COL9A1: variants seen among roughly 807,000 people sequenced by gnomAD.
The protein encoded by COL9A1 is collagen type IX alpha 1 chain, also known as collagen alpha-1(IX) chain.
Under a neutral mutation model 142.6 loss-of-function variants are expected in COL9A1, and 104 were observed. That is an observed-to-expected ratio of 0.73 (90% CI 0.62 to 0.86). The LOEUF is 0.86. Ranked by LOEUF, COL9A1 falls within the 40% of genes least tolerant of loss-of-function variation. The pLI is 0.00. For synonymous variants in COL9A1, 466 were observed against 396.0 expected, an observed-to-expected ratio of 1.18 and a Z score of -2.10; for missense variants, 1,210 against 1,176.6, an observed-to-expected ratio of 1.03 and a Z score of -0.42.
chr6:70,251,708 TGGGA>T (rs1304830860), intron 28 of COL9A1, among the ~76,000 whole-genome samples: 1 of 152,090 alleles, frequency 6.6e-6, no homozygotes, highest in Non-Finnish European at 1.5e-5. Context: ...TGACTGCAGG[TGGGA>T]GGTGGGTATA....
At chr6:70,281,079 G>C (rs753932727) in intron 8 of COL9A1, 40 bp from the exon 9 acceptor site, 1 of 1,563,898 alleles carries the variant, frequency 6.4e-7, no homozygotes, top group East Asian at 2.2e-5. Flanking sequence ...GTCTATGAGC[G>C]GGATAGGCTG....
At chr6:70,258,075 T>C (rs907087844) in intron 20 of COL9A1, among the ~76,000 whole-genome samples, 6 of 152,238 alleles carry the variant, frequency 3.9e-5, no homozygotes, top group African/African-American at 1.4e-4. Context: ...AAATAATCTC[T>C]GATGTGGCTA....
In COL9A1 at chr6:70,254,970, C is replaced by T. The variant is rs1771183677; in HGVS notation, c.1658G>A (p.Gly553Glu). ...GTAAATTACACAGCCTACCTTTGTT[C>T]CAGGCATTCCAGGGATCCCATCACG... ...DGRDGIPGMP[G>E]TKGEPGKPGP... The change falls in exon 24 of 38, where the codon GGA (glycine) becomes GAA (glutamate). Residue 553 changes from glycine to glutamate, a missense_variant. Coordinates refer to ENST00000357250, the MANE Select transcript of COL9A1 (RefSeq NM_001851.6). The T allele has an allele frequency of 2.5e-6, 4 of 1,614,124 alleles. No individual in the cohort carries two copies. Among genetic ancestry groups the T allele is most frequent in the Non-Finnish European group, 3.4e-6 (4 of 1,179,980 alleles).
chr6:70,230,949 C>T (rs10498872), intron 36 of COL9A1, among the ~76,000 whole-genome samples: 33,350 of 152,100 alleles, frequency 0.22, 3,932 homozygotes, highest in Non-Finnish European at 0.27. Context: ...CCCAAGGAGA[C>T]TTCCTGTTAA....
intron 17 of COL9A1, among the ~76,000 whole-genome samples, chr6:70,267,125 C>A (rs1307414328): frequency 2.0e-5 from 3 of 152,104 alleles, no homozygotes; most frequent in African/African-American, 7.2e-5. Flanking sequence ...GGTAACTTAA[C>A]CTTTCAGAAG....
At chr6:70,242,242 G>A (rs1357268914) in intron 29 of COL9A1, 2 of 629,998 alleles carry the variant, frequency 3.2e-6, no homozygotes, top group Non-Finnish European at 5.7e-6. Context: ...TCCACCCTAA[G>A]GTCCTCAGTT....
Position 70,263,303 on chromosome 6 carries a change from GA to G in COL9A1, c.1342-7del. ...CCCTGGTCACCTTCTTCACCCTAAA[GA>G]AAAAAAAGAAAAAAGAAAAGCACAC... On this transcript the variant is annotated splice_region_variant and splice_polypyrimidine_tract_variant and intron_variant, in intron 18 of 37. Coordinates refer to ENST00000357250, the MANE Select transcript of COL9A1 (RefSeq NM_001851.6). The G allele has an allele frequency of 4.4e-6, 7 of 1,601,800 alleles. No homozygotes were observed. The highest frequency in any genetic ancestry group is 2.3e-5 in the South Asian group (2 of 88,538).
intron 5 of COL9A1, among the ~76,000 whole-genome samples, chr6:70,291,813 C>G (rs1184319414): frequency 6.6e-6 from 1 of 152,030 alleles, no homozygotes; most frequent in Non-Finnish European, 1.5e-5. Context: ...CAAAGGAAAG[C>G]TAGTTGGCAT....
intron 28 of COL9A1, among the ~76,000 whole-genome samples, chr6:70,248,305 G>A (rs542231237): frequency 1.3e-5 from 2 of 152,254 alleles, no homozygotes; most frequent in African/African-American, 2.4e-5. Context: ...AACCTCTGGA[G>A]GCACCAAAAT....
intron 17 of COL9A1, among the ~76,000 whole-genome samples, chr6:70,267,935 C>T (rs1392069462): frequency 1.3e-5 from 2 of 152,206 alleles, no homozygotes; most frequent in African/African-American, 4.8e-5. Flanking sequence ...TTTCAGATCA[C>T]AGCAGAGCTC....
intron 37 of COL9A1, among the ~76,000 whole-genome samples, chr6:70,225,162 AG>A (rs1469841298): frequency 1.6e-4 from 24 of 152,216 alleles, no homozygotes; most frequent in Non-Finnish European, 1.5e-5. Context: ...CCCCACAATA[AG>A]AGAGCGTTTG....
At chr6:70,270,440 T>C in intron 14 of COL9A1, 73 bp from the exon 15 acceptor site, 6 of 1,417,960 alleles carry the variant, frequency 4.2e-6, no homozygotes, top group Non-Finnish European at 3.0e-6. Context: ...CAGTGAGGCA[T>C]AAGAGAATGG....
At chr6:70,260,931 A>T (rs1387840719) in intron 19 of COL9A1, 2 of 467,346 alleles carry the variant, frequency 4.3e-6, no homozygotes, top group Non-Finnish European at 7.6e-6. Context: ...TCTTACACAA[A>T]ACTGGAGTTG....
At chr6:70,301,914 C>T in intron 2 of COL9A1, 87 bp downstream of exon 2, 1 of 1,065,414 alleles carries the variant, frequency 9.4e-7, no homozygotes, top group South Asian at 1.3e-5. Flanking sequence ...CTATGAATGC[C>T]TCACTCAGTC....
intron 18 of COL9A1, among the ~76,000 whole-genome samples, chr6:70,264,684 C>T (rs935561803): frequency 6.6e-6 from 1 of 151,946 alleles, no homozygotes; most frequent in Non-Finnish European, 1.5e-5. Flanking sequence ...AATTGTTTCA[C>T]CTACAGGTGA....
chr6:70,272,179 A>C, intron 12 of COL9A1, 91 bp from the exon 13 acceptor site: 3 of 1,042,164 alleles, frequency 2.9e-6, no homozygotes, highest in Non-Finnish European at 4.3e-6. Flanking sequence ...ATAAACCATA[A>C]ACTCTATTAC....
intron 36 of COL9A1, among the ~76,000 whole-genome samples, chr6:70,228,181 A>G (rs1221059822): frequency 6.6e-6 from 1 of 152,104 alleles, no homozygotes; most frequent in East Asian, 1.9e-4. Context: ...CTACTGACTC[A>G]TTGTTTATAG....
rs1315955678 is a variant in COL9A1, at chr6:70,268,823, G to A, written c.1268C>T (p.Pro423Leu). ...TCTTACCCTCATGCCTGGTAGGCCT[G>A]GATATCCTGAGCGACCTGGTGGACA... ...NACPPGRSGY[P>L]GLPGMRGHKG... is the part of the protein sequence containing the mutation. Residue 423 changes from proline to leucine, a missense_variant, in exon 17 of 38, where the codon CCA (proline) becomes CTA (leucine). Transcript: ENST00000357250. 1 of 1,613,738 alleles carries A rather than the reference G, an allele frequency of 6.2e-7. No individual in the cohort carries two copies. The highest frequency in any genetic ancestry group is 8.5e-7 in the Non-Finnish European group (1 of 1,179,842).
intron 4 of COL9A1, among the ~76,000 whole-genome samples, chr6:70,295,014 C>T (rs111964227): frequency 1.1e-3 from 171 of 152,260 alleles, no homozygotes; most frequent in African/African-American, 3.4e-3. Context: ...CTAGCAGCTT[C>T]TAATTGTTTT....
Sources: allele counts gnomAD v4.1 joint callset (sites outside exome capture counted in the v4.1 genomes callset), GRCh38; gene constraint gnomAD v4.1.1; transcripts MANE v1.5; gene names NCBI Gene and HGNC (gene_info 2026-07-23, HGNC 2026-07-21).